DPP10: variants seen among roughly 807,000 people sequenced by gnomAD.
The protein encoded by DPP10 is inactive dipeptidyl peptidase 10.
In DPP10, 33 loss-of-function variants were observed where a neutral mutation model predicts 120.9. That is an observed-to-expected ratio of 0.27 (90% CI 0.21 to 0.37). The LOEUF (loss-of-function observed/expected upper bound fraction) is 0.37. DPP10 is among the 10% of genes least tolerant of loss of function. DPP10 has a pLI of 1.00. For missense variants in DPP10, 816 were observed against 942.8 expected, an observed-to-expected ratio of 0.87 and a Z score of 1.76; for synonymous variants, 337 against 326.1, an observed-to-expected ratio of 1.03 and a Z score of -0.36.
intron 1 of DPP10, among the ~76,000 whole-genome samples, chr2:115,159,657 A>G (rs190678951): frequency 6.6e-6 from 1 of 152,348 alleles, no homozygotes; most frequent in African/African-American, 2.4e-5. Flanking sequence ...TTAGCTTGAC[A>G]AAATAACAAC....
chr2:115,383,226 A>C (rs1258596985), intron 3 of DPP10, among the ~76,000 whole-genome samples: 3 of 152,124 alleles, frequency 2.0e-5, no homozygotes, highest in Non-Finnish European at 4.4e-5. Context: ...CCTGGTGGGA[A>C]GTAATTAAGT....
chr2:114,694,290 A>G (rs1699939141), intron 1 of DPP10, among the ~76,000 whole-genome samples: 1 of 151,974 alleles, frequency 6.6e-6, no homozygotes, highest in Non-Finnish European at 1.5e-5. Flanking sequence ...TATTTCATTA[A>G]TTATAAAAGA....
intron 3 of DPP10, among the ~76,000 whole-genome samples, chr2:115,375,374 T>G (rs1405504297): frequency 6.6e-6 from 1 of 152,216 alleles, no homozygotes; most frequent in Non-Finnish European, 1.5e-5. Flanking sequence ...GTTCCTCATT[T>G]CCACCTGAGA....
rs987158946 is a variant in DPP10 at position 115,623,505 on chromosome 2, A to G, written c.442-66182A>G. ...GTTATTACATATATATTTATTCGGT[A>G]TAGTTGTGAAAGTCTTATTATATGC... On this transcript the variant is annotated intron_variant, in intron 5 of 25. Transcript: ENST00000410059. 4.6e-5 allele frequency among the ~76,000 whole-genome samples: 7 copies of G among 152,194 alleles called. No individual in the cohort carries two copies. In the East Asian group the frequency reaches 5.8e-4, roughly 13 times the overall value.
chr2:114,620,223 T>C (rs1464813173), intron 1 of DPP10, among the ~76,000 whole-genome samples: 1 of 151,942 alleles, frequency 6.6e-6, no homozygotes, highest in Non-Finnish European at 1.5e-5. Context: ...CAGGCATATA[T>C]GTTACAAAAA....
At chr2:114,613,898 C>T (rs570422838) in intron 1 of DPP10, among the ~76,000 whole-genome samples, 1 of 152,178 alleles carries the variant, frequency 6.6e-6, no homozygotes, top group East Asian at 1.9e-4. Flanking sequence ...TGTTCTCACT[C>T]ATAAGTGGGA....
At chr2:114,710,230 T>C (rs1001545379) in intron 1 of DPP10, among the ~76,000 whole-genome samples, 1 of 152,264 alleles carries the variant, frequency 6.6e-6, no homozygotes, top group African/African-American at 2.4e-5. Context: ...TTCTACAGCT[T>C]CTTACATGCC....
rs546772491 is a variant in DPP10 at position 114,579,957 on chromosome 2, T to C, written c.60+137119T>C. 1.1e-3 allele frequency among the ~76,000 whole-genome samples: 167 copies of C among 152,300 alleles called. 1 individual carries two copies. Among genetic ancestry groups the C allele is most frequent in the African/African-American group, 3.6e-3 (150 of 41,560 alleles). ...CATTCTAAAATGTGAATTTGTTTTGTGAAAGCCTTTCATTAACAAAATTAT... is the reference window on the plus strand; with the variant it reads ...CATTCTAAAATGTGAATTTGTTTTGCGAAAGCCTTTCATTAACAAAATTAT... On this transcript the variant is annotated intron_variant, in intron 1 of 25. Coordinates refer to ENST00000410059, the MANE Select transcript of DPP10 (RefSeq NM_020868.6).
chr2:115,102,641 C>T (rs1315831118), intron 1 of DPP10, among the ~76,000 whole-genome samples: 1 of 151,548 alleles, frequency 6.6e-6, no homozygotes, highest in Non-Finnish European at 1.5e-5. Flanking sequence ...GAACTTGGGA[C>T]TTTGTGATCC....
intron 1 of DPP10, among the ~76,000 whole-genome samples, chr2:115,251,984 T>C (rs1407641238): frequency 2.0e-5 from 3 of 152,226 alleles, no homozygotes; most frequent in African/African-American, 4.8e-5. Context: ...CAATCTCTCT[T>C]GTTGAGCATG....
intron 1 of DPP10, among the ~76,000 whole-genome samples, chr2:114,583,940 A>G (rs1690740030): frequency 6.6e-6 from 1 of 152,202 alleles, no homozygotes; most frequent in Non-Finnish European, 1.5e-5. Context: ...CTCACTATAA[A>G]ATATTTTTGA....
At chr2:115,746,314 T>A (rs979278079) in intron 10 of DPP10, 131 bp downstream of exon 10, 8 of 803,120 alleles carry the variant, frequency 1.0e-5, no homozygotes, top group Non-Finnish European at 1.6e-5. Flanking sequence ...GTTGCCTACA[T>A]TAGTGAGGAA....
intron 1 of DPP10, among the ~76,000 whole-genome samples, chr2:114,647,278 G>A (rs1266984492): frequency 6.6e-6 from 1 of 152,110 alleles, no homozygotes; most frequent in East Asian, 1.9e-4. Flanking sequence ...ATTTCCCATT[G>A]GCTGTCTCCT....
intron 1 of DPP10, among the ~76,000 whole-genome samples, chr2:115,291,270 C>A (rs1313367398): frequency 6.6e-6 from 1 of 152,118 alleles, no homozygotes. Context: ...TCCCAAAGTG[C>A]TCAGATTACT....
intron 5 of DPP10, among the ~76,000 whole-genome samples, chr2:115,678,533 C>A (rs2090436286): frequency 6.6e-6 from 1 of 152,178 alleles, no homozygotes; most frequent in African/African-American, 2.4e-5. Flanking sequence ...TATGGGAACA[C>A]CTGGATGTCC....
At chr2:114,545,654 CA>C (rs1412601669) in intron 1 of DPP10, among the ~76,000 whole-genome samples, 1 of 151,858 alleles carries the variant, frequency 6.6e-6, no homozygotes, top group Admixed American at 6.6e-5. Flanking sequence ...ATTCTTTTTG[CA>C]AAAAAACAGT....
At chr2:115,298,227 C>T (rs534815490) in intron 1 of DPP10, among the ~76,000 whole-genome samples, 10 of 151,892 alleles carry the variant, frequency 6.6e-5, no homozygotes, top group South Asian at 4.2e-4. Context: ...GAAAATAACA[C>T]GTATGGAGGA....
chr2:115,389,278 A>C (rs4992124), intron 3 of DPP10, among the ~76,000 whole-genome samples: 4 of 149,712 alleles, frequency 2.7e-5, no homozygotes, highest in East Asian at 4.0e-4. Flanking sequence ...CACACACACA[A>C]ACACACACAC....
Position 115,346,449 on chromosome 2 carries a change from A to G in DPP10, c.271+2537A>G, listed in dbSNP as rs1037215215. 6.6e-5 allele frequency among the ~76,000 whole-genome samples: 10 copies of G among 152,126 alleles called. 1 individual carries two copies. The highest frequency in any genetic ancestry group is 4.6e-4 in the Admixed American group (7 of 15,248). ...GAGTCTAGACGGCCCTGACATGTGTAGGTTATAGTGAGGCGATGCCATTCA... is the reference window on the plus strand; with the variant it reads ...GAGTCTAGACGGCCCTGACATGTGTGGGTTATAGTGAGGCGATGCCATTCA... On this transcript the variant is annotated intron_variant, in intron 3 of 25. Transcript: ENST00000410059.
Sources: allele counts gnomAD v4.1 joint callset (sites outside exome capture counted in the v4.1 genomes callset), GRCh38; gene constraint gnomAD v4.1.1; transcripts MANE v1.5; gene names NCBI Gene and HGNC (gene_info 2026-07-23, HGNC 2026-07-21).